Variants in RBL1 observed in about 807,000 individuals in gnomAD.
The protein encoded by RBL1 is retinoblastoma-like protein 1.
In RBL1, 82 loss-of-function variants were observed where a neutral mutation model predicts 123.0. The observed-to-expected ratio is 0.67, with a 90% CI of 0.56 to 0.80. The LOEUF (loss-of-function observed/expected upper bound fraction) is 0.80, where lower values mean the gene tolerates loss of function less well. Ranked by LOEUF, RBL1 falls within the 30% of genes least tolerant of loss-of-function variation. The probability of loss-of-function intolerance (pLI) is 0.00; values close to 1 mark genes in which losing one functional copy is unlikely to be tolerated. For synonymous variants in RBL1, 405 were observed against 441.3 expected, an observed-to-expected ratio of 0.92 and a Z score of 1.03; for missense variants, 1,171 against 1,299.6, an observed-to-expected ratio of 0.90 and a Z score of 1.52.
At chr20:37,063,770 C>G (rs932380881) in intron 7 of RBL1, among the ~76,000 whole-genome samples, 1 of 151,760 alleles carries the variant, frequency 6.6e-6, no homozygotes, top group East Asian at 1.9e-4. Flanking sequence ...CCTCGGCCCC[C>G]CAAAGTGTTG....
chr20:37,057,646 T>C (rs1164262292), intron 9 of RBL1, among the ~76,000 whole-genome samples: 1 of 152,172 alleles, frequency 6.6e-6, no homozygotes, highest in African/African-American at 2.4e-5. Context: ...TCCCATTCTA[T>C]AGGTTGTTTT....
chr20:37,089,635 T>C (rs972715598), intron 1 of RBL1, among the ~76,000 whole-genome samples: 3 of 150,110 alleles, frequency 2.0e-5, no homozygotes, highest in Admixed American at 1.3e-4. Context: ...CTGAGCGAGA[T>C]CCTGTCTCTT....
intron 9 of RBL1, among the ~76,000 whole-genome samples, chr20:37,060,041 G>A (rs769465552): frequency 2.6e-5 from 4 of 151,794 alleles, no homozygotes; most frequent in African/African-American, 7.3e-5. Flanking sequence ...GCGTGGTGGC[G>A]CACGCCTGTA....
At chr20:37,078,124 T>A (rs1273806501) in intron 2 of RBL1, among the ~76,000 whole-genome samples, 1 of 152,204 alleles carries the variant, frequency 6.6e-6, no homozygotes, top group Non-Finnish European at 1.5e-5. Context: ...TATGTATTTT[T>A]GACAAGAGTA....
intron 6 of RBL1, among the ~76,000 whole-genome samples, chr20:37,065,864 T>C (rs8114304): frequency 0.054 from 8,272 of 152,256 alleles, 760 homozygotes; most frequent in African/African-American, 0.19. Flanking sequence ...TCCACCTGCC[T>C]TGGCCTCCCA....
At chr20:37,037,171 A>G (rs913544226) in intron 14 of RBL1, among the ~76,000 whole-genome samples, 1 of 152,198 alleles carries the variant, frequency 6.6e-6, no homozygotes, top group African/African-American at 2.4e-5. Context: ...TAAGAAATCC[A>G]CGCAAGCCCT....
At chr20:37,048,320 AC>A (rs1162025939) in intron 11 of RBL1, among the ~76,000 whole-genome samples, 1 of 152,078 alleles carries the variant, frequency 6.6e-6, no homozygotes, top group Non-Finnish European at 1.5e-5. Context: ...CAGATGACAG[AC>A]CTCTATTCTG....
At chr20:37,056,934 G>A (rs1035564573) in intron 9 of RBL1, among the ~76,000 whole-genome samples, 1 of 151,934 alleles carries the variant, frequency 6.6e-6, no homozygotes, top group Non-Finnish European at 1.5e-5. Context: ...GTAGCAAATG[G>A]CAGTATTTCC....
chr20:37,081,084 T>C (rs1469126999), intron 2 of RBL1, among the ~76,000 whole-genome samples: 2 of 152,174 alleles, frequency 1.3e-5, no homozygotes, highest in African/African-American at 4.8e-5. Context: ...TTAGGGAACC[T>C]TTGAACAATA....
intron 11 of RBL1, chr20:37,049,323 GA>G: frequency 1.5e-6 from 1 of 658,944 alleles, no homozygotes; most frequent in Non-Finnish European, 2.7e-6. Flanking sequence ...GGATACGACA[GA>G]AAATGTAAAG....
In RBL1 at chr20:36,998,433, A is replaced by G; in HGVS notation, c.*326T>C. On this transcript the variant is annotated 3_prime_UTR_variant, in exon 22 of 22. Transcript: ENST00000373664. Reference sequence around the variant, plus strand: ...GAGATGGGGTTTCTCCATGTTGGTCAGGCTGGTCTCGAACTCCTGACCTCC... The same window carrying G: ...GAGATGGGGTTTCTCCATGTTGGTCGGGCTGGTCTCGAACTCCTGACCTCC... The G allele has an allele frequency of 5.5e-6, 1 of 182,272 alleles. No homozygotes were observed. The highest frequency in any genetic ancestry group is 1.7e-4 in the East Asian group (1 of 5,940). 11.3% of individuals were successfully genotyped at this position (182,272 alleles called of 1,614,324 possible).
intron 2 of RBL1, among the ~76,000 whole-genome samples, chr20:37,075,249 T>G (rs2065345863): frequency 6.6e-6 from 1 of 152,162 alleles, no homozygotes; most frequent in Non-Finnish European, 1.5e-5. Flanking sequence ...GGTTTCTTTT[T>G]GGGGTGATGG....
intron 11 of RBL1, among the ~76,000 whole-genome samples, chr20:37,053,660 G>A (rs953222320): frequency 2.0e-5 from 3 of 152,102 alleles, no homozygotes; most frequent in Non-Finnish European, 4.4e-5. Context: ...CTAGACATAT[G>A]CCAAAAGAAC....
In RBL1 at chr20:37,084,707, A is replaced by C. The variant is rs180777353; in HGVS notation, c.290+4282T>G. 8.9e-4 allele frequency among the ~76,000 whole-genome samples: 135 copies of C among 152,304 alleles called. 1 individual carries two copies. The highest frequency in any genetic ancestry group is 2.6e-3 in the Admixed American group (40 of 15,298). On this transcript the variant is annotated intron_variant, in intron 2 of 21. Coordinates refer to ENST00000373664, the MANE Select transcript of RBL1 (RefSeq NM_002895.5). Reference sequence around the variant, plus strand: ...AGCAAGACTCTGTCTCAAACAAATAAAGAGAAAAGAAAATAAAAAGAAAAA... The same window carrying C: ...AGCAAGACTCTGTCTCAAACAAATACAGAGAAAAGAAAATAAAAAGAAAAA...
intron 11 of RBL1, among the ~76,000 whole-genome samples, chr20:37,050,580 A>AGAT (rs2064893024): frequency 6.6e-6 from 1 of 151,044 alleles, no homozygotes; most frequent in African/African-American, 2.4e-5. Context: ...AAGGTACAAT[A>AGAT]AAAGAGATAA....
At chr20:37,061,342 A>T (rs983551289) in intron 8 of RBL1, 73 bp from the exon 9 acceptor site, 17 of 1,505,110 alleles carry the variant, frequency 1.1e-5, no homozygotes, top group Non-Finnish European at 1.5e-5. Context: ...TTCAGTGCAT[A>T]TACCATCTTC....
intron 2 of RBL1, among the ~76,000 whole-genome samples, chr20:37,069,845 TG>T (rs1270513180): frequency 1.4e-5 from 2 of 139,080 alleles, no homozygotes; most frequent in Non-Finnish European, 3.1e-5. Context: ...GGGAGGGAGG[TG>T]GGGGGGTCAG....
At chr20:37,005,277 G>C (rs2064052309) in intron 20 of RBL1, among the ~76,000 whole-genome samples, 2 of 152,004 alleles carry the variant, frequency 1.3e-5, no homozygotes, top group Middle Eastern at 6.8e-3. Flanking sequence ...CGTGGTGACA[G>C]GCGCCTGTAA....
intron 11 of RBL1, among the ~76,000 whole-genome samples, chr20:37,047,577 C>G (rs2064836251): frequency 6.6e-6 from 1 of 152,100 alleles, no homozygotes; most frequent in Non-Finnish European, 1.5e-5. Context: ...CAAAACTGTT[C>G]AGAAAAAGAA....
Sources: allele counts gnomAD v4.1 joint callset (sites outside exome capture counted in the v4.1 genomes callset), GRCh38; gene constraint gnomAD v4.1.1; transcripts MANE v1.5; gene names NCBI Gene and HGNC (gene_info 2026-07-23, HGNC 2026-07-21).